The following KCND3 variants were observed in gnomAD, a reference collection of about 807,000 sequenced individuals.
KCND3 encodes potassium voltage-gated channel subfamily D member 3.
Under a neutral mutation model 51.1 loss-of-function variants are expected in KCND3, and 9 were observed. The ratio of observed to expected loss-of-function variants is 0.18; its 90% CI spans 0.11 to 0.31. The LOEUF is 0.31. Ranked by LOEUF, KCND3 falls within the 10% of genes least tolerant of loss-of-function variation. The pLI is 1.00. For synonymous variants in KCND3, 349 were observed against 368.0 expected (o/e 0.95, Z 0.59); for missense variants, 526 against 903.8 (o/e 0.58, Z 5.36).
rs749559538 is a variant in KCND3 at position 111,777,228 on chromosome 1, C to T, written c.1564G>A (p.Glu522Lys). 8 of 1,614,052 alleles carry T rather than the reference C, an allele frequency of 5.0e-6. No individual in the cohort carries two copies. Among genetic ancestry groups the T allele is most frequent in the Admixed American group, 3.3e-5 (2 of 60,006 alleles). The change falls in exon 7 of 8, where the codon GAG becomes AAG. Residue 522 changes from glutamate (E) to lysine (K), a missense_variant. This residue lies in a region of KCND3 where 266 missense variants were observed against 305.5 expected (regional missense o/e 0.87). Transcript: ENST00000302127. ...DEQMFEQNCM[E>K]SSMQNYPSTR... is the part of the protein sequence containing the mutation. ...GATGGGTAGTTCTGCATTGAACTCTCCATGCAGTTCTGCTCAAACATCTGC... is the reference window on the plus strand; with the variant it reads ...GATGGGTAGTTCTGCATTGAACTCTTCATGCAGTTCTGCTCAAACATCTGC...
intron 2 of KCND3, among the ~76,000 whole-genome samples, chr1:111,957,770 G>A (rs746313457): frequency 3.3e-5 from 5 of 152,152 alleles, no homozygotes; most frequent in African/African-American, 4.8e-5. Flanking sequence ...CAATAAAATT[G>A]GAACACAGCC....
intron 1 of KCND3, among the ~76,000 whole-genome samples, chr1:111,983,377 G>T (rs1178741031): frequency 1.3e-5 from 2 of 152,122 alleles, no homozygotes; most frequent in Non-Finnish European, 2.9e-5. Context: ...ACCAGGATTG[G>T]TGAGGTTCTG....
chr1:111,968,740 C>G (rs534213506), intron 2 of KCND3, among the ~76,000 whole-genome samples: 31 of 152,316 alleles, frequency 2.0e-4, no homozygotes, highest in Middle Eastern at 3.4e-3. Context: ...CAGGCTCCCC[C>G]ACCTGGTCCC....
At chr1:111,961,582 C>G (rs987441313) in intron 2 of KCND3, among the ~76,000 whole-genome samples, 2 of 152,200 alleles carry the variant, frequency 1.3e-5, no homozygotes, top group African/African-American at 4.8e-5. Flanking sequence ...TTCCCATCTA[C>G]TGTCTGAATA....
chr1:111,778,791 T>G (rs1664247699), intron 5 of KCND3, among the ~76,000 whole-genome samples: 1 of 152,126 alleles, frequency 6.6e-6, no homozygotes, highest in African/African-American at 2.4e-5. Context: ...TTCCAGAGCT[T>G]TAATCCCAAT....
chr1:111,873,102 C>G (rs184183872), intron 2 of KCND3, among the ~76,000 whole-genome samples: 1 of 152,316 alleles, frequency 6.6e-6, no homozygotes, highest in East Asian at 1.9e-4. Context: ...TCCCAGTGTC[C>G]GAAGAAGCTT....
rs141091267 is a variant in KCND3 at position 111,858,446 on chromosome 1, G to C, written c.1107-71340C>G. On this transcript the variant is annotated intron_variant, in intron 2 of 7. Transcript: ENST00000302127. ...GCATTATGATTTTTGTGGATCCTTT[G>C]CTTTCATGGTCCCATTTCTCCATAA... 8.5e-3 allele frequency among the ~76,000 whole-genome samples: 1,291 copies of C among 152,190 alleles called. 17 individuals carry two copies. The highest frequency in any genetic ancestry group is 0.029 in the African/African-American group (1,187 of 41,518).
chr1:111,783,544 C>T (rs576994424), intron 3 of KCND3, among the ~76,000 whole-genome samples: 1 of 152,298 alleles, frequency 6.6e-6, no homozygotes, highest in South Asian at 2.1e-4. Context: ...GCACTTTCTT[C>T]CTGTCTGGCT....
intron 2 of KCND3, among the ~76,000 whole-genome samples, chr1:111,946,672 G>C (rs112573370): frequency 1.3e-5 from 2 of 152,210 alleles, no homozygotes; most frequent in Non-Finnish European, 2.9e-5. Flanking sequence ...GAGACTTGCA[G>C]ATTATTATTA....
intron 2 of KCND3, among the ~76,000 whole-genome samples, chr1:111,900,541 G>A (rs912918021): frequency 6.6e-6 from 1 of 152,262 alleles, no homozygotes; most frequent in South Asian, 2.1e-4. Flanking sequence ...TGTGACTACC[G>A]CAAATTACTG....
chr1:111,811,420 A>G (rs1408850001), intron 2 of KCND3, among the ~76,000 whole-genome samples: 2 of 152,174 alleles, frequency 1.3e-5, no homozygotes, highest in African/African-American at 4.8e-5. Flanking sequence ...TGCTACCCAC[A>G]CTCAGGAAAT....
chr1:111,795,588 G>A (rs116645493), intron 2 of KCND3, among the ~76,000 whole-genome samples: 2,111 of 152,316 alleles, frequency 0.014, 53 homozygotes, highest in African/African-American at 0.048. Context: ...ACTTCAGAGC[G>A]TTCTGCTTTC....
intron 2 of KCND3, among the ~76,000 whole-genome samples, chr1:111,938,014 A>G (rs185197492): frequency 1.2e-3 from 186 of 152,316 alleles, no homozygotes; most frequent in Non-Finnish European, 1.9e-3. Flanking sequence ...AGCCACCTCT[A>G]GTTTAACCTC....
intron 2 of KCND3, among the ~76,000 whole-genome samples, chr1:111,845,107 C>A (rs10776735): frequency 0.41 from 62,662 of 151,940 alleles, 14,371 homozygotes; most frequent in Middle Eastern, 0.52. Context: ...AATGTGTTCA[C>A]CAAGGTCACT....
intron 2 of KCND3, among the ~76,000 whole-genome samples, chr1:111,828,108 C>A (rs564160929): frequency 3.3e-5 from 5 of 152,314 alleles, no homozygotes; most frequent in Admixed American, 2.0e-4. Flanking sequence ...TGCCGCTCTG[C>A]CCCAAGCAGC....
chr1:111,881,567 T>G (rs1669321656), intron 2 of KCND3, among the ~76,000 whole-genome samples: 1 of 152,208 alleles, frequency 6.6e-6, no homozygotes, highest in Non-Finnish European at 1.5e-5. Context: ...CTCTTTGTGC[T>G]ATGTCACCTC....
At chr1:111,860,326 C>T (rs764150847) in intron 2 of KCND3, among the ~76,000 whole-genome samples, 1 of 152,164 alleles carries the variant, frequency 6.6e-6, no homozygotes, top group Non-Finnish European at 1.5e-5. Context: ...AACTAATAAA[C>T]GCAGAAGCTG....
chr1:111,968,100 G>A (rs1674106429), intron 2 of KCND3, among the ~76,000 whole-genome samples: 1 of 152,232 alleles, frequency 6.6e-6, no homozygotes, highest in East Asian at 1.9e-4. Flanking sequence ...GGGTGAGAAG[G>A]AGGGAGGTGG....
At chr1:111,966,039 C>A (rs545110495) in intron 2 of KCND3, among the ~76,000 whole-genome samples, 3 of 152,264 alleles carry the variant, frequency 2.0e-5, no homozygotes, top group Admixed American at 6.5e-5. Flanking sequence ...AAGACTCACT[C>A]ACCTGGCTCA....
Sources: gnomAD v4.1 joint callset for allele counts (sites outside exome capture counted in the v4.1 genomes callset) on GRCh38, gnomAD v4.1.1 for gene constraint, gnomAD v4.1.1 regional missense constraint, MANE v1.5 for transcripts, NCBI Gene and HGNC (gene_info 2026-07-23, HGNC 2026-07-21) for gene names.